TAFA2: variants seen among roughly 807,000 people sequenced by gnomAD.
TAFA2 encodes the protein chemokine-like protein TAFA-2.
In TAFA2, 7 loss-of-function variants were observed where a neutral mutation model predicts 18.8. That is an observed-to-expected ratio of 0.37 (90% CI 0.21 to 0.70). The LOEUF (loss-of-function observed/expected upper bound fraction) is 0.70, where lower values mean the gene tolerates loss of function less well. Ranked by LOEUF, TAFA2 falls within the 30% of genes least tolerant of loss-of-function variation. The probability of loss-of-function intolerance (pLI) is 0.53; values close to 1 mark genes in which losing one functional copy is unlikely to be tolerated. For missense variants in TAFA2, 122 were observed against 158.1 expected (o/e 0.77, Z 1.23); for synonymous variants, 60 against 54.2 (o/e 1.11, Z -0.47).
At chr12:62,141,646 T>C (rs181688132) in intron 1 of TAFA2, among the ~76,000 whole-genome samples, 2 of 152,340 alleles carry the variant, frequency 1.3e-5, no homozygotes, top group Admixed American at 1.3e-4. Context: ...CTTTATATTA[T>C]TATATTGTTA....
At chr12:62,213,613 AGTCTG>A in intron 1 of TAFA2, among the ~76,000 whole-genome samples, 1 of 149,536 alleles carries the variant, frequency 6.7e-6, no homozygotes, top group East Asian at 2.0e-4. Flanking sequence ...ACTGCACTCC[AGTCTG>A]GTGACAGACT....
chr12:62,191,956 C>T lies in TAFA2; in HGVS notation c.-699G>A, dbSNP rs2062627565. The T allele has an allele frequency of 6.6e-6, 1 of 152,440 alleles. No homozygotes were observed. The highest frequency in any genetic ancestry group is 6.5e-5 in the Admixed American group (1 of 15,286). The allele number at this position is 152,440 out of a possible 1,614,324, so 9.4% of individuals were successfully genotyped here. A position where few individuals can be genotyped will look rare whatever the true frequency, so the allele number is the denominator to read the frequency against. ...GCCACGCACTTCTCGAGTTCCCTGG[C>T]TCTCGCAGGTACCGGGTCTCCAACG... On this transcript the variant is annotated 5_prime_UTR_variant, in exon 1 of 5. Coordinates refer to ENST00000416284, the MANE Select transcript of TAFA2 (RefSeq NM_178539.5).
intron 1 of TAFA2, among the ~76,000 whole-genome samples, chr12:62,097,454 A>T (rs1419556562): frequency 6.6e-6 from 1 of 152,184 alleles, no homozygotes; most frequent in Non-Finnish European, 1.5e-5. Flanking sequence ...GAATGGAAAT[A>T]GGTTGGTAAA....
At chr12:62,173,249 C>G (rs1458949095) in intron 1 of TAFA2, among the ~76,000 whole-genome samples, 1 of 152,064 alleles carries the variant, frequency 6.6e-6, no homozygotes, top group African/African-American at 2.4e-5. Flanking sequence ...CCTGTCTCTA[C>G]TAAAAATACG....
rs546029592 is a variant in TAFA2, at chr12:62,081,063, G to C, written c.-2+110196C>G. The stretch of plus-strand genomic sequence containing the variant: ...ACAAAAAATTAGCCGGGCGTAGTGG[G>C]GGGCGCCTGTAGTCCCAGCTACTCG... On this transcript the variant is annotated intron_variant, in intron 1 of 4. Transcript: ENST00000416284. Among the ~76,000 whole-genome samples, 77 of 152,066 alleles carry C rather than the reference G, an allele frequency of 5.1e-4. No individual in the cohort carries two copies. In the South Asian group the frequency reaches 0.011, roughly 22 times the overall value.
At chr12:62,203,545 G>A (rs2136969015) in intron 1 of TAFA2, among the ~76,000 whole-genome samples, 1 of 152,278 alleles carries the variant, frequency 6.6e-6, no homozygotes, top group South Asian at 2.1e-4. Context: ...TATATATTTA[G>A]GACAGTTAGC....
chr12:61,986,053 G>A (rs755566215), intron 1 of TAFA2, among the ~76,000 whole-genome samples: 18 of 150,846 alleles, frequency 1.2e-4, no homozygotes, highest in South Asian at 2.1e-4. Flanking sequence ...GAAATAAACA[G>A]CACATGCTAA....
At chr12:61,779,748 G>A (rs1164249379) in intron 2 of TAFA2, among the ~76,000 whole-genome samples, 7 of 151,744 alleles carry the variant, frequency 4.6e-5, no homozygotes, top group Non-Finnish European at 1.5e-5. Flanking sequence ...CTCTTTCTCT[G>A]AAAAGCTGCG....
At chr12:61,847,311 T>C (rs914188450) in intron 2 of TAFA2, among the ~76,000 whole-genome samples, 4 of 152,238 alleles carry the variant, frequency 2.6e-5, no homozygotes, top group Non-Finnish European at 5.9e-5. Context: ...CTTGACAGCA[T>C]AATAATCTAT....
In TAFA2 at chr12:62,178,024, G is replaced by T. The variant is rs138365688; in HGVS notation, c.-2+13235C>A. Among the ~76,000 whole-genome samples the T allele has an allele frequency of 9.1e-4, 139 of 152,248 alleles. 1 individual carries two copies. The highest frequency in any genetic ancestry group is 3.3e-3 in the African/African-American group (137 of 41,550). The stretch of plus-strand genomic sequence containing the variant: ...TAAGCCTCAAAGAGACCACAGTTAG[G>T]CACGGCAGCTCACACCTGTAATCAC... On this transcript the variant is annotated intron_variant, in intron 1 of 4. Transcript: ENST00000416284.
chr12:61,843,972 A>G (rs186652244), intron 2 of TAFA2, among the ~76,000 whole-genome samples: 1 of 152,250 alleles, frequency 6.6e-6, no homozygotes, highest in African/African-American at 2.4e-5. Context: ...GGAAAGAGAA[A>G]ATGTACAGCA....
At chr12:61,823,348 C>T (rs1592413014) in intron 2 of TAFA2, among the ~76,000 whole-genome samples, 1 of 152,078 alleles carries the variant, frequency 6.6e-6, no homozygotes, top group East Asian at 1.9e-4. Context: ...CTAACGTTTA[C>T]TCTGTGATAT....
At chr12:62,095,819 C>T (rs531507494) in intron 1 of TAFA2, among the ~76,000 whole-genome samples, 6 of 152,226 alleles carry the variant, frequency 3.9e-5, no homozygotes, top group South Asian at 4.1e-4. Flanking sequence ...AGGTAAAGAA[C>T]GCTTTTTGCC....
intron 4 of TAFA2, among the ~76,000 whole-genome samples, chr12:61,715,948 A>C (rs535808248): frequency 1.8e-4 from 27 of 152,218 alleles, no homozygotes; most frequent in African/African-American, 6.5e-4. Context: ...AATTAAGAAA[A>C]AAATGAAGCA....
At chr12:62,244,878 C>A (rs1189324026) in intron 1 of TAFA2, among the ~76,000 whole-genome samples, 1 of 152,064 alleles carries the variant, frequency 6.6e-6, no homozygotes, top group Non-Finnish European at 1.5e-5. Flanking sequence ...ATTTATCTAT[C>A]TTTTGCCTAT....
chr12:61,892,793 C>T (rs937352526), intron 1 of TAFA2, among the ~76,000 whole-genome samples: 1 of 152,168 alleles, frequency 6.6e-6, no homozygotes, highest in African/African-American at 2.4e-5. Flanking sequence ...GAGAAAAGAT[C>T]GTTCCACTGC....
At chr12:62,223,450 T>A (rs112281677) in intron 1 of TAFA2, among the ~76,000 whole-genome samples, 6,972 of 152,246 alleles carry the variant, frequency 0.046, 189 homozygotes, top group African/African-American at 0.056. Context: ...ATGAAGTGAT[T>A]TTTGACAACA....
At chr12:62,003,602 T>C (rs11174275) in intron 1 of TAFA2, among the ~76,000 whole-genome samples, 17,083 of 152,230 alleles carry the variant, frequency 0.11, 1,010 homozygotes, top group Middle Eastern at 0.15. Context: ...TATCCTGCTC[T>C]ATTTTTCTTT....
rs2062698696 is a variant in TAFA2, at chr12:62,207,885, T to C, written c.-130+50878A>G. Among the ~76,000 whole-genome samples the C allele has an allele frequency of 2.6e-5, 4 of 152,166 alleles. 1 individual carries two copies. Among genetic ancestry groups the C allele is most frequent in the Non-Finnish European group, 5.9e-5 (4 of 68,036 alleles). ...ATCAGCTTCATGCTGAACCCAGTAC[T>C]GGGCCCTCCCTGTGGTAAGTCAGGT... is the stretch of plus-strand genomic sequence containing the variant. On this transcript the variant is annotated intron_variant, in intron 1 of 5. Transcript: ENST00000551619.
Sources: allele counts gnomAD v4.1 joint callset (sites outside exome capture counted in the v4.1 genomes callset), GRCh38; gene constraint gnomAD v4.1.1; transcripts MANE v1.5; gene names NCBI Gene and HGNC (gene_info 2026-07-23, HGNC 2026-07-21).